Variants in SHB observed in about 807,000 individuals in gnomAD.
SHB encodes the protein SH2 domain-containing adapter protein B.
Under a neutral mutation model 52.3 loss-of-function variants are expected in SHB, and 20 were observed. The observed-to-expected ratio is 0.38, with a 90% CI of 0.27 to 0.56. The LOEUF (loss-of-function observed/expected upper bound fraction) is 0.56, where lower values mean the gene tolerates loss of function less well. SHB is among the 20% of genes least tolerant of loss of function. The pLI, the probability that SHB is intolerant of heterozygous loss-of-function variation, is 0.71. For synonymous variants in SHB, 397 were observed against 316.5 expected (o/e 1.25, Z -2.70); for missense variants, 825 against 723.3 (o/e 1.14, Z -1.61).
At chr9:38,051,462 A>T (rs1428115150) in intron 1 of SHB, among the ~76,000 whole-genome samples, 1 of 151,752 alleles carries the variant, frequency 6.6e-6, no homozygotes, top group Non-Finnish European at 1.5e-5. Context: ...AAAAAAAAAA[A>T]AATTCAAGGC....
intron 2 of SHB, among the ~76,000 whole-genome samples, chr9:38,003,362 C>T (rs908989739): frequency 1.3e-5 from 2 of 152,018 alleles, no homozygotes; most frequent in South Asian, 4.2e-4. Context: ...CCATGCCCCT[C>T]GCTGCAACCG....
chr9:38,039,885 G>A lies in SHB; in HGVS notation c.718-23754C>T, dbSNP rs376880735. 9.2e-5 allele frequency among the ~76,000 whole-genome samples: 14 copies of A among 152,360 alleles called. No individual in the cohort carries two copies. The East Asian group carries it at 1.9e-3, about 21-fold the overall frequency. On this transcript the variant is annotated intron_variant, in intron 1 of 5. Transcript: ENST00000377707. Reference sequence around the variant, plus strand: ...GGAGAGGAGGAGAAATGGGCCTCTCGACAGGAGTCTGGCGGCCCATGCCCT... The same window carrying A: ...GGAGAGGAGGAGAAATGGGCCTCTCAACAGGAGTCTGGCGGCCCATGCCCT...
At chr9:37,970,266 C>T (rs1820575369) in intron 3 of SHB, among the ~76,000 whole-genome samples, 1 of 152,232 alleles carries the variant, frequency 6.6e-6, no homozygotes, top group African/African-American at 2.4e-5. Flanking sequence ...AAGTATTTCT[C>T]ACCAACAACT....
At chr9:38,058,853 T>C (rs1320522190) in intron 1 of SHB, among the ~76,000 whole-genome samples, 1 of 152,170 alleles carries the variant, frequency 6.6e-6, no homozygotes, top group East Asian at 1.9e-4. Flanking sequence ...GGGTGGTTCA[T>C]GCCATCACAA....
chr9:37,950,876 T>G (rs1832558512), intron 4 of SHB, among the ~76,000 whole-genome samples: 2 of 152,212 alleles, frequency 1.3e-5, no homozygotes, highest in Non-Finnish European at 2.9e-5. Flanking sequence ...CTACAATGGT[T>G]GCAGGCCGCT....
chr9:38,002,815 A>G (rs1005998345), intron 2 of SHB, among the ~76,000 whole-genome samples: 14 of 152,188 alleles, frequency 9.2e-5, no homozygotes, highest in Non-Finnish European at 1.8e-4. Flanking sequence ...TGCAGACTCC[A>G]GGACCCTGCA....
chr9:37,978,951 C>A (rs73437920), intron 2 of SHB, among the ~76,000 whole-genome samples: 6,121 of 152,296 alleles, frequency 0.04, 262 homozygotes, highest in African/African-American at 0.11. Flanking sequence ...AAGCAGCTGC[C>A]TTTCCCTGAG....
chr9:37,968,565 G>C (rs1042432944), intron 3 of SHB, among the ~76,000 whole-genome samples: 1 of 152,230 alleles, frequency 6.6e-6, no homozygotes, highest in Admixed American at 6.5e-5. Context: ...CTGAGCCAAG[G>C]ACACTGCCTG....
chr9:38,048,984 G>A (rs1821698026), intron 1 of SHB, among the ~76,000 whole-genome samples: 1 of 152,104 alleles, frequency 6.6e-6, no homozygotes, highest in Non-Finnish European at 1.5e-5. Context: ...TCTATTCACA[G>A]GCACCTTCTC....
chr9:38,040,399 G>T (rs575006505), intron 1 of SHB, among the ~76,000 whole-genome samples: 3 of 152,200 alleles, frequency 2.0e-5, no homozygotes, highest in South Asian at 2.1e-4. Context: ...ATCCCTAAAG[G>T]GGGGGCTTGG....
chr9:37,964,868 A>G (rs1223293030), intron 3 of SHB, among the ~76,000 whole-genome samples: 1 of 152,200 alleles, frequency 6.6e-6, no homozygotes, highest in Non-Finnish European at 1.5e-5. Context: ...ACAGCACAGG[A>G]CTTTAAATCC....
intron 1 of SHB, among the ~76,000 whole-genome samples, chr9:38,027,828 G>A (rs1821363178): frequency 1.3e-5 from 2 of 152,014 alleles, no homozygotes; most frequent in Non-Finnish European, 2.9e-5. Context: ...AGTTGGAGAA[G>A]GCCAGACTGG....
At chr9:38,054,045 T>G (rs924191871) in intron 1 of SHB, among the ~76,000 whole-genome samples, 1 of 152,224 alleles carries the variant, frequency 6.6e-6, no homozygotes. Flanking sequence ...CTGTTACTAT[T>G]CTACCTACAT....
chr9:38,067,891 G>A, intron 1 of SHB, 38 bp downstream of exon 1: 3 of 1,421,752 alleles, frequency 2.1e-6, no homozygotes, highest in Non-Finnish European at 2.7e-6. Context: ...GCGCACCGTG[G>A]CTCTGGAACC....
At chr9:37,963,420 C>T (rs1030404556) in intron 3 of SHB, among the ~76,000 whole-genome samples, 1 of 152,208 alleles carries the variant, frequency 6.6e-6, no homozygotes, top group African/African-American at 2.4e-5. Context: ...CTTCTTAGCC[C>T]CTCTGCACAT....
intron 1 of SHB, among the ~76,000 whole-genome samples, chr9:38,060,024 T>C (rs1031211872): frequency 1.4e-4 from 21 of 152,044 alleles, no homozygotes; most frequent in Admixed American, 6.6e-4. Flanking sequence ...TTACAAAGAG[T>C]AAGTCTAGCC....
At chr9:38,005,664 C>G (rs1353014763) in intron 2 of SHB, among the ~76,000 whole-genome samples, 1 of 152,152 alleles carries the variant, frequency 6.6e-6, no homozygotes, top group African/African-American at 2.4e-5. Flanking sequence ...TAAAAGGTAC[C>G]CTTTAAACAC....
chr9:37,988,590 G>A (rs1820839619), intron 2 of SHB, among the ~76,000 whole-genome samples: 1 of 152,128 alleles, frequency 6.6e-6, no homozygotes, highest in Admixed American at 6.6e-5. Context: ...TCTGCCCACC[G>A]ACAAGCTTCT....
intron 1 of SHB, among the ~76,000 whole-genome samples, chr9:38,063,803 T>G (rs1002752508): frequency 2.6e-4 from 39 of 152,082 alleles, no homozygotes; most frequent in Non-Finnish European, 4.0e-4. Flanking sequence ...ATGTTTTTTT[T>G]TTTTTTTTTT....
Sources: allele counts gnomAD v4.1 joint callset (sites outside exome capture counted in the v4.1 genomes callset), GRCh38; gene constraint gnomAD v4.1.1; transcripts MANE v1.5; gene names NCBI Gene and HGNC (gene_info 2026-07-23, HGNC 2026-07-21).